The following DDX19A variants were observed in gnomAD, a reference collection of about 807,000 sequenced individuals.
DDX19A encodes ATP-dependent RNA helicase DDX19A.
In DDX19A, 12 loss-of-function variants were observed where a neutral mutation model predicts 60.6. The observed-to-expected ratio is 0.20, with a 90% CI of 0.13 to 0.32. The LOEUF is 0.32. Among genes scored for constraint, DDX19A ranks in the 10% least tolerant of loss-of-function variants. The probability of loss-of-function intolerance (pLI) is 1.00; values close to 1 mark genes in which losing one functional copy is unlikely to be tolerated. For missense variants in DDX19A, 337 were observed against 600.6 expected (o/e 0.56, Z 4.59); for synonymous variants, 206 against 218.2 (o/e 0.94, Z 0.49).
chr16:70,348,726 A>G (rs1963927660), intron 1 of DDX19A, among the ~76,000 whole-genome samples: 1 of 151,508 alleles, frequency 6.6e-6, no homozygotes, highest in Non-Finnish European at 1.5e-5. Context: ...GATCAGTTGA[A>G]CCCAGGAGTT....
rs1212919161 is a variant in DDX19A at position 70,372,342 on chromosome 16, G to C, written c.*356G>C. On this transcript the variant is annotated 3_prime_UTR_variant, in exon 12 of 12. Coordinates refer to ENST00000302243, the MANE Select transcript of DDX19A (RefSeq NM_018332.5). Reference sequence around the variant, plus strand: ...CAGCCCCTGAAGAAACGATAGATGTGCAGGTTGTGCGGAAGAGGCTGAGTG... The same window carrying C: ...CAGCCCCTGAAGAAACGATAGATGTCCAGGTTGTGCGGAAGAGGCTGAGTG... 1 of 372,890 alleles carries C rather than the reference G, an allele frequency of 2.7e-6. No individual in the cohort carries two copies. Among genetic ancestry groups the C allele is most frequent in the South Asian group, 2.6e-5 (1 of 38,904 alleles). 23.1% of individuals were successfully genotyped at this position (372,890 alleles called of 1,614,324 possible). A position where few individuals can be genotyped will look rare whatever the true frequency, so the allele number is the denominator to read the frequency against.
chr16:70,357,251 T>A (rs1964224126), intron 4 of DDX19A, among the ~76,000 whole-genome samples: 2 of 107,686 alleles, frequency 1.9e-5, no homozygotes, highest in Admixed American at 9.3e-5. Flanking sequence ...AGAGCGAGAC[T>A]CTCTCTCAAA....
At chr16:70,366,980 G>A (rs1361136991) in intron 9 of DDX19A, 119 bp downstream of exon 9, 15 of 1,184,800 alleles carry the variant, frequency 1.3e-5, no homozygotes, top group Middle Eastern at 2.8e-4. Context: ...TTTTGAAGAT[G>A]TAAGAGACAG....
intron 2 of DDX19A, among the ~76,000 whole-genome samples, chr16:70,352,717 A>T (rs182100631): frequency 6.8e-6 from 1 of 146,726 alleles, no homozygotes; most frequent in African/African-American, 2.5e-5. Context: ...GCTCACCGCA[A>T]CCTCCACCTC....
chr16:70,365,070 T>A lies in DDX19A; in HGVS notation c.543T>A (p.Ile181=). 1 of 1,614,222 alleles carries A rather than the reference T, an allele frequency of 6.2e-7. No homozygotes were observed. The highest frequency in any genetic ancestry group is 1.1e-5 in the South Asian group (1 of 91,080). Residue 181 remains isoleucine (I), a synonymous_variant, in exon 7 of 12, where the codon ATT becomes ATA. Transcript: ENST00000302243. ...TGGCGCTTCAAACAGGAAAAGTGAT[T>A]GAGCAGATGGGCAAATTTTACCCAG... ...YELALQTGKV[I]EQMGKFYPEL...
chr16:70,347,209 G>T, intron 1 of DDX19A, 161 bp downstream of exon 1: 1 of 677,060 alleles, frequency 1.5e-6, no homozygotes, highest in Non-Finnish European at 2.6e-6. Context: ...GAGCTAAAGA[G>T]ACCAATGTCG....
intron 5 of DDX19A, among the ~76,000 whole-genome samples, chr16:70,363,096 C>T (rs1265875359): frequency 6.6e-6 from 1 of 151,870 alleles, no homozygotes; most frequent in Non-Finnish European, 1.5e-5. Context: ...AAGTGATTCT[C>T]CAGCCTCAGC....
intron 5 of DDX19A, among the ~76,000 whole-genome samples, chr16:70,362,085 GA>G (rs1176760854): frequency 6.6e-6 from 1 of 150,804 alleles, no homozygotes; most frequent in African/African-American, 2.4e-5. Flanking sequence ...TAAGGCAGGA[GA>G]ATTGCTTGAA....
intron 1 of DDX19A, among the ~76,000 whole-genome samples, chr16:70,350,080 G>C (rs1242021151): frequency 6.6e-6 from 1 of 152,096 alleles, no homozygotes; most frequent in East Asian, 1.9e-4. Flanking sequence ...AGGATTGCTT[G>C]AGCCCAGGAG....
chr16:70,371,932 G>A lies in DDX19A; in HGVS notation c.1383G>A (p.Lys461=). 6.2e-7 allele frequency: 1 copy of A among 1,613,984 alleles called. No homozygotes were observed. The highest frequency in any genetic ancestry group is 1.1e-5 in the South Asian group (1 of 91,076). Residue 461 remains lysine, a synonymous_variant, in exon 12 of 12, where the codon AAG becomes AAA. Transcript: ENST00000302243. The stretch of plus-strand genomic sequence containing the variant: ...TGTGTATCTTTCCCCCAGATAAGAA[G>A]ATAGAAAGATTGGACACAGATGATT... The part of the protein sequence containing the change: ...LNRIQEHFNK[K]IERLDTDDLD...
At chr16:70,356,386 C>G in intron 4 of DDX19A, 139 bp downstream of exon 4, 2 of 1,354,476 alleles carry the variant, frequency 1.5e-6, no homozygotes, top group Non-Finnish European at 2.0e-6. Flanking sequence ...GACAGAGTTT[C>G]GCTCCTGTTG....
intron 2 of DDX19A, among the ~76,000 whole-genome samples, chr16:70,351,266 C>T (rs1268896410): frequency 1.3e-5 from 2 of 151,558 alleles, no homozygotes; most frequent in African/African-American, 2.4e-5. Context: ...AGTGGAGTGG[C>T]GTGATCTTGG....
chr16:70,357,272 T>C (rs201806619), intron 4 of DDX19A, among the ~76,000 whole-genome samples: 2 of 30,920 alleles, frequency 6.5e-5, no homozygotes, highest in Non-Finnish European at 1.1e-4. Flanking sequence ...AAAAAAAAAA[T>C]ATATATATAT....
chr16:70,362,092 T>G (rs1401250483), intron 5 of DDX19A, among the ~76,000 whole-genome samples: 1 of 151,808 alleles, frequency 6.6e-6, no homozygotes, highest in African/African-American at 2.4e-5. Context: ...GGAGAATTGC[T>G]TGAACCCGGG....
chr16:70,355,041 A>G (rs780179409), intron 2 of DDX19A, among the ~76,000 whole-genome samples: 6 of 152,156 alleles, frequency 3.9e-5, no homozygotes, highest in Admixed American at 1.3e-4. Flanking sequence ...TTCACTAAAC[A>G]TAAAGAAATG....
At chr16:70,352,794 G>T (rs112689299) in intron 2 of DDX19A, among the ~76,000 whole-genome samples, 1 of 151,716 alleles carries the variant, frequency 6.6e-6, no homozygotes, top group African/African-American at 2.4e-5. Flanking sequence ...GTGCCACCAC[G>T]CCTGGCTAAT....
rs775877572 is a variant in DDX19A at position 70,353,015 on chromosome 16, AAAT to A, written c.106+2413_106+2415del. On this transcript the variant is annotated intron_variant, in intron 2 of 11. Coordinates refer to ENST00000302243, the MANE Select transcript of DDX19A (RefSeq NM_018332.5). Reference sequence around the variant, plus strand: ...TTGCTATTATAAATAATGCTTCATGAAATAACCATGAACTTAGCTCTTTTTACA... The same window carrying A: ...TTGCTATTATAAATAATGCTTCATGAAACCATGAACTTAGCTCTTTTTACA... Among the ~76,000 whole-genome samples the A allele has an allele frequency of 2.0e-4, 30 of 152,286 alleles. 1 individual carries two copies. Among genetic ancestry groups the A allele is most frequent in the South Asian group, 8.3e-4 (4 of 4,826 alleles).
chr16:70,370,176 A>G (rs777635223), intron 9 of DDX19A, 47 bp from the exon 10 acceptor site: 2 of 1,583,960 alleles, frequency 1.3e-6, no homozygotes, highest in Non-Finnish European at 1.7e-6. Flanking sequence ...AAAAGAAAAA[A>G]TATATACTCA....
At chr16:70,350,115 T>C (rs1567648319) in intron 1 of DDX19A, among the ~76,000 whole-genome samples, 1 of 152,040 alleles carries the variant, frequency 6.6e-6, no homozygotes, top group Non-Finnish European at 1.5e-5. Context: ...CAAGTAGGCA[T>C]GGTGGTCCAC....
Sources: gnomAD v4.1 joint callset for allele counts (sites outside exome capture counted in the v4.1 genomes callset) on GRCh38, gnomAD v4.1.1 for gene constraint, MANE v1.5 for transcripts, NCBI Gene and HGNC (gene_info 2026-07-23, HGNC 2026-07-21) for gene names.